Variants in KALRN observed in about 807,000 individuals in gnomAD.
KALRN encodes kalirin.
In KALRN, 70 loss-of-function variants were observed where a neutral mutation model predicts 353.7. That is an observed-to-expected ratio of 0.20 (90% CI 0.16 to 0.24). The LOEUF (loss-of-function observed/expected upper bound fraction) is 0.24. Among genes scored for constraint, KALRN ranks in the 10% least tolerant of loss-of-function variants. The pLI is 1.00. For missense variants in KALRN, 2,791 were observed against 3,756.7 expected (o/e 0.74, Z 6.72); for synonymous variants, 1,391 against 1,434.8 (o/e 0.97, Z 0.69).
At chr3:124,265,960 A>C (rs1324794220) in intron 4 of KALRN, among the ~76,000 whole-genome samples, 2 of 152,068 alleles carry the variant, frequency 1.3e-5, no homozygotes, top group African/African-American at 2.4e-5. Flanking sequence ...TACTAAAAAT[A>C]CAAAATTAGC....
chr3:124,325,064 T>G (rs1030268144), intron 6 of KALRN, among the ~76,000 whole-genome samples: 2 of 152,254 alleles, frequency 1.3e-5, no homozygotes, highest in African/African-American at 4.8e-5. Flanking sequence ...TACTGTCTTA[T>G]GTTTGTGGAG....
chr3:124,472,591 G>A (rs1296789606), intron 25 of KALRN, among the ~76,000 whole-genome samples: 1 of 151,836 alleles, frequency 6.6e-6, no homozygotes, highest in African/African-American at 2.4e-5. Context: ...GTGTGTGTGT[G>A]TGTGTGTGTG....
rs1178373146 is a variant in KALRN at position 124,521,952 on chromosome 3, G to C, written c.4935+25539G>C. On this transcript the variant is annotated intron_variant, in intron 33 of 59. Transcript: ENST00000682506. ...AGGGACACAGCAGTGAACAAAACAGGCTGCCCTCATGGAGCATACATTCTA... is the reference window on the plus strand; with the variant it reads ...AGGGACACAGCAGTGAACAAAACAGCCTGCCCTCATGGAGCATACATTCTA... 2.8e-4 allele frequency among the ~76,000 whole-genome samples: 42 copies of C among 152,090 alleles called. 1 individual carries two copies. Among genetic ancestry groups the C allele is most frequent in the Admixed American group, 2.6e-3 (39 of 15,256 alleles).
chr3:124,694,327 C>T lies in KALRN; in HGVS notation c.7406-5C>T. 1.2e-6 allele frequency: 2 copies of T among 1,613,154 alleles called. No homozygotes were observed. Among genetic ancestry groups the T allele is most frequent in the Non-Finnish European group, 1.7e-6 (2 of 1,179,438 alleles). On this transcript the variant is annotated splice_region_variant and splice_polypyrimidine_tract_variant and intron_variant, in intron 52 of 59. Coordinates refer to ENST00000682506, the MANE Select transcript of KALRN (RefSeq NM_001388419.1). ...TGATGTTAATGTATGTTGATTTGAT[C>T]ACAGTGGCCCCAGAATTCCTTGTGC...
chr3:124,041,267 A>C (rs935769657), intron 1 of KALRN, among the ~76,000 whole-genome samples: 4 of 152,186 alleles, frequency 2.6e-5, no homozygotes, highest in Non-Finnish European at 4.4e-5. Flanking sequence ...AAATGACTTT[A>C]ACATCTGTGT....
At chr3:124,076,888 G>A (rs894919588) in intron 1 of KALRN, among the ~76,000 whole-genome samples, 1 of 152,314 alleles carries the variant, frequency 6.6e-6, no homozygotes. Flanking sequence ...CACTTTCTTT[G>A]TGAAGTGGCC....
At chr3:124,580,621 T>C (rs2074536002) in intron 34 of KALRN, among the ~76,000 whole-genome samples, 1 of 152,220 alleles carries the variant, frequency 6.6e-6, no homozygotes, top group African/African-American at 2.4e-5. Flanking sequence ...ACATATCTGA[T>C]GTGGATTCAC....
At chr3:124,232,733 T>C (rs891031827) in intron 2 of KALRN, among the ~76,000 whole-genome samples, 1 of 152,172 alleles carries the variant, frequency 6.6e-6, no homozygotes, top group Admixed American at 6.5e-5. Flanking sequence ...ATTAGAATTC[T>C]CCAGGCTTTC....
chr3:124,487,742 G>T (rs1235986273), intron 28 of KALRN, among the ~76,000 whole-genome samples: 1 of 152,232 alleles, frequency 6.6e-6, no homozygotes, highest in East Asian at 1.9e-4. Context: ...GTAGAGGCTT[G>T]TAAATAAAAG....
chr3:124,703,477 T>A (rs550410287), intron 57 of KALRN, among the ~76,000 whole-genome samples: 1 of 152,298 alleles, frequency 6.6e-6, no homozygotes, highest in East Asian at 1.9e-4. Context: ...TATGAGATAC[T>A]GTTTGAGCAG....
At chr3:124,544,512 A>G (rs976984169) in intron 33 of KALRN, among the ~76,000 whole-genome samples, 4 of 152,044 alleles carry the variant, frequency 2.6e-5, no homozygotes, top group African/African-American at 9.7e-5. Context: ...AGTGAGAGGA[A>G]ATTGCACTAC....
At chr3:124,147,935 A>G (rs925302525) in intron 1 of KALRN, among the ~76,000 whole-genome samples, 4 of 152,230 alleles carry the variant, frequency 2.6e-5, no homozygotes, top group Admixed American at 2.6e-4. Context: ...TTCAGAGCGT[A>G]AAACCTGTGT....
At chr3:124,103,900 G>A (rs527699297) in intron 1 of KALRN, among the ~76,000 whole-genome samples, 1 of 152,230 alleles carries the variant, frequency 6.6e-6, no homozygotes, top group South Asian at 2.1e-4. Flanking sequence ...AGGTTGCAGT[G>A]AGCTGAGATC....
rs142237096 is a variant in KALRN, at chr3:124,627,669, A to G, written c.5183-4751A>G. 1.2e-4 allele frequency among the ~76,000 whole-genome samples: 19 copies of G among 152,324 alleles called. No individual in the cohort carries two copies. The East Asian group carries it at 3.1e-3, about 25-fold the overall frequency. On this transcript the variant is annotated intron_variant, in intron 34 of 59. Transcript: ENST00000682506. ...TCTAGTGAATGAAAAGCTTCTGCAA[A>G]CTTATCAGCAGAAAGATAGCAGAGA...
intron 1 of KALRN, among the ~76,000 whole-genome samples, chr3:124,063,879 C>T (rs1024412181): frequency 7.2e-5 from 11 of 152,228 alleles, no homozygotes; most frequent in Non-Finnish European, 1.3e-4. Context: ...CTTTAGGAGA[C>T]GTGGTTCTGA....
At chr3:124,170,260 T>A (rs1202879559) in intron 1 of KALRN, among the ~76,000 whole-genome samples, 1 of 152,246 alleles carries the variant, frequency 6.6e-6, no homozygotes, top group African/African-American at 2.4e-5. Flanking sequence ...TCTCTGAGTG[T>A]GATGAAGGGT....
At chr3:124,556,414 T>G (rs2071252434) in intron 33 of KALRN, among the ~76,000 whole-genome samples, 1 of 152,074 alleles carries the variant, frequency 6.6e-6, no homozygotes, top group South Asian at 2.1e-4. Context: ...AAAAAAAAAT[T>G]ATAATCAATT....
chr3:124,604,680 T>G (rs2077142392), intron 34 of KALRN, among the ~76,000 whole-genome samples: 1 of 152,112 alleles, frequency 6.6e-6, no homozygotes, highest in Admixed American at 6.5e-5. Context: ...CGTTTAAAAT[T>G]TTTAATTATT....
At chr3:124,648,807 A>G (rs541121112) in intron 37 of KALRN, among the ~76,000 whole-genome samples, 1 of 152,324 alleles carries the variant, frequency 6.6e-6, no homozygotes, top group East Asian at 1.9e-4. Flanking sequence ...ACCAGGAGAC[A>G]TGTCATTGGA....
Sources: gnomAD v4.1 joint callset for allele counts (sites outside exome capture counted in the v4.1 genomes callset) on GRCh38, gnomAD v4.1.1 for gene constraint, MANE v1.5 for transcripts, NCBI Gene and HGNC (gene_info 2026-07-23, HGNC 2026-07-21) for gene names.